The following LIN9 variants were observed in gnomAD, a reference collection of about 807,000 sequenced individuals.
The protein encoded by LIN9 is lin-9 DREAM MuvB core complex component, also known as protein lin-9 homolog.
Under a neutral mutation model 78.0 loss-of-function variants are expected in LIN9, and 18 were observed. The observed-to-expected ratio is 0.23, with a 90% CI of 0.16 to 0.34. LIN9 has a LOEUF of 0.34. Ranked by LOEUF, LIN9 falls within the 10% of genes least tolerant of loss-of-function variation. The pLI is 1.00. For synonymous variants in LIN9, 192 were observed against 215.2 expected, an observed-to-expected ratio of 0.89 and a Z score of 0.94; for missense variants, 451 against 644.1, an observed-to-expected ratio of 0.70 and a Z score of 3.25.
At chr1:226,254,677 C>T (rs1411459033) in intron 10 of LIN9, among the ~76,000 whole-genome samples, 3 of 151,862 alleles carry the variant, frequency 2.0e-5, no homozygotes, top group South Asian at 2.1e-4. Flanking sequence ...TTTGGGAGGA[C>T]GAGACGGGCG....
intron 3 of LIN9, 63 bp downstream of exon 3, chr1:226,297,656 T>G: frequency 8.8e-7 from 1 of 1,136,926 alleles, no homozygotes; most frequent in Non-Finnish European, 1.2e-6. Flanking sequence ...AATTTACACA[T>G]GACAATAATA....
At chr1:226,280,643 T>C (rs1660989160) in intron 6 of LIN9, among the ~76,000 whole-genome samples, 1 of 151,994 alleles carries the variant, frequency 6.6e-6, no homozygotes, top group Non-Finnish European at 1.5e-5. Flanking sequence ...GGCGTGGCAG[T>C]GTGTGCCTGT....
At position 226,231,713 on chromosome 1, in the gene LIN9, T is replaced by C. The variant is rs989533953; in HGVS notation, c.*788A>G. On this transcript the variant is annotated 3_prime_UTR_variant, in exon 15 of 15. Coordinates refer to ENST00000681046, the MANE Select transcript of LIN9 (RefSeq NM_001366245.2). Reference sequence around the variant, plus strand: ...AATAAACAAAAAAATATGAAAATAGTGTGTTATCATTTTTTTTTTAATAAA... The same window carrying C: ...AATAAACAAAAAAATATGAAAATAGCGTGTTATCATTTTTTTTTTAATAAA... 3 of 154,136 alleles carry C rather than the reference T, an allele frequency of 1.9e-5. No homozygotes were observed. The highest frequency in any genetic ancestry group is 7.2e-5 in the African/African-American group (3 of 41,398). The allele number at this position is 154,136 out of a possible 1,614,324, so 9.5% of individuals were successfully genotyped here.
chr1:226,257,232 G>A (rs1438132610), intron 10 of LIN9, among the ~76,000 whole-genome samples: 1 of 152,114 alleles, frequency 6.6e-6, no homozygotes, highest in African/African-American at 2.4e-5. Context: ...TCACAGGCGT[G>A]AGCCACCACA....
At chr1:226,233,990 T>C (rs1368403398) in intron 12 of LIN9, among the ~76,000 whole-genome samples, 1 of 152,226 alleles carries the variant, frequency 6.6e-6, no homozygotes, top group Non-Finnish European at 1.5e-5. Flanking sequence ...TGTTTCCTTA[T>C]GATTAGACTG....
intron 6 of LIN9, among the ~76,000 whole-genome samples, chr1:226,281,397 C>T (rs988722418): frequency 1.0e-4 from 15 of 148,564 alleles, no homozygotes; most frequent in African/African-American, 2.2e-4. Context: ...TTTGACAGTA[C>T]GGTAGGAAAA....
At chr1:226,288,977 G>T (rs1277803076) in intron 4 of LIN9, among the ~76,000 whole-genome samples, 1 of 152,078 alleles carries the variant, frequency 6.6e-6, no homozygotes, top group Non-Finnish European at 1.5e-5. Context: ...AGTGGCTCAC[G>T]CCTGTAATCC....
rs375207617 is a variant in LIN9 at position 226,265,421 on chromosome 1, AAAACCTACACGGTGAT to A, written c.1038+96_1038+111del. ...GGCTTTGTTGGAAATAGCAGCTCTT[AAAACCTACACGGTGAT>A]AAACCTACACGGCCCTAGAAAAATT... On this transcript the variant is annotated intron_variant, in intron 10 of 14. Transcript: ENST00000681046. This position sits in a 1 kb window ranked among gnomAD's most constrained non-coding sequence, Gnocchi z 4.1. 4 of 541,330 alleles carry A rather than the reference AAAACCTACACGGTGAT, an allele frequency of 7.4e-6. No homozygotes were observed. Among genetic ancestry groups the A allele is most frequent in the African/African-American group, 1.9e-5 (1 of 51,386 alleles). 33.5% of individuals were successfully genotyped at this position (541,330 alleles called of 1,614,324 possible). A position where few individuals can be genotyped will look rare whatever the true frequency, so the allele number is the denominator to read the frequency against.
intron 10 of LIN9, among the ~76,000 whole-genome samples, chr1:226,259,670 T>C (rs999271801): frequency 6.6e-6 from 1 of 152,028 alleles, no homozygotes; most frequent in Admixed American, 6.6e-5. Context: ...TATGTCTAAA[T>C]AATACGAGTC....
chr1:226,277,483 A>C (rs1275993733), intron 7 of LIN9, among the ~76,000 whole-genome samples: 1 of 152,236 alleles, frequency 6.6e-6, no homozygotes, highest in Non-Finnish European at 1.5e-5. Flanking sequence ...GGTTATTTAC[A>C]CCTTCAGAAT....
chr1:226,295,484 A>AT (rs1011656605), intron 4 of LIN9, among the ~76,000 whole-genome samples: 12 of 150,756 alleles, frequency 8.0e-5, no homozygotes, highest in South Asian at 2.1e-4. Flanking sequence ...ATATATATAT[A>AT]TTTTTTTCCT....
chr1:226,273,052 G>A (rs1576321982), intron 7 of LIN9, among the ~76,000 whole-genome samples: 1 of 151,890 alleles, frequency 6.6e-6, no homozygotes, highest in Non-Finnish European at 1.5e-5. Context: ...AGTGATCCTC[G>A]TGCCTTGGCC....
At chr1:226,307,328 G>C (rs1357605769) in intron 1 of LIN9, among the ~76,000 whole-genome samples, 1 of 152,186 alleles carries the variant, frequency 6.6e-6, no homozygotes, top group African/African-American at 2.4e-5. Context: ...CACTCATTTG[G>C]GAGCATTCTA....
chr1:226,255,975 G>A (rs537587709), intron 10 of LIN9, among the ~76,000 whole-genome samples: 1 of 152,112 alleles, frequency 6.6e-6, no homozygotes, highest in East Asian at 1.9e-4. Context: ...CCAATTTAAT[G>A]TCAAATACCA....
upstream of LIN9, chr1:226,309,448 C>T (rs1327956735): frequency 9.2e-6 from 10 of 1,084,478 alleles, no homozygotes; most frequent in Non-Finnish European, 1.1e-5. Flanking sequence ...GTACCAGCTC[C>T]GGAGTCCCGC....
At chr1:226,255,672 T>C (rs970877652) in intron 10 of LIN9, among the ~76,000 whole-genome samples, 6 of 152,152 alleles carry the variant, frequency 3.9e-5, no homozygotes, top group Admixed American at 3.3e-4. Context: ...TAAAATAGCA[T>C]GCAAGAACAG....
intron 12 of LIN9, among the ~76,000 whole-genome samples, chr1:226,236,910 T>G (rs953112060): frequency 6.6e-6 from 1 of 152,248 alleles, no homozygotes; most frequent in Admixed American, 6.5e-5. Flanking sequence ...GGTATTTGGG[T>G]ACTTTGTGAT....
At chr1:226,250,508 T>G (rs896522435) in intron 11 of LIN9, among the ~76,000 whole-genome samples, 1 of 152,208 alleles carries the variant, frequency 6.6e-6, no homozygotes, top group Non-Finnish European at 1.5e-5. Flanking sequence ...TAACAAGAGA[T>G]AGTGATAGCA....
intron 10 of LIN9, among the ~76,000 whole-genome samples, chr1:226,261,244 C>T (rs1290267892): frequency 6.6e-6 from 1 of 152,036 alleles, no homozygotes; most frequent in African/African-American, 2.4e-5. Context: ...ACAATGTCCT[C>T]TCTTATCACT....
Sources: gnomAD v4.1 joint callset for allele counts (sites outside exome capture counted in the v4.1 genomes callset) on GRCh38, gnomAD v4.1.1 for gene constraint, Gnocchi (gnomAD v3.1) non-coding constraint, MANE v1.5 for transcripts, NCBI Gene and HGNC (gene_info 2026-07-23, HGNC 2026-07-21) for gene names.